The following C12orf56 variants were observed in gnomAD, a reference collection of about 807,000 sequenced individuals.
The protein encoded by C12orf56 is chromosome 12 open reading frame 56.
C12orf56 carries 71 observed loss-of-function variants against 69.9 expected under a neutral mutation model. That is an observed-to-expected ratio of 1.02 (90% CI 0.84 to 1.24). C12orf56 has a LOEUF of 1.24. Among genes scored for constraint, C12orf56 ranks in the 50% most tolerant of loss-of-function variants. The pLI, the probability that C12orf56 is intolerant of heterozygous loss-of-function variation, is 0.00. For missense variants in C12orf56, 732 were observed against 738.5 expected, an observed-to-expected ratio of 0.99 and a Z score of 0.10; for synonymous variants, 276 against 274.1, an observed-to-expected ratio of 1.01 and a Z score of -0.07.
Position 64,353,038 on chromosome 12 carries a change from A to C in C12orf56, c.271T>G (p.Phe91Val), listed in dbSNP as rs1384208573. ...ATTTCTCTATCTGGCGAACTCAAAAATTCCGGGTAATCATCAATCTGGAAA... is the reference window on the plus strand; with the variant it reads ...ATTTCTCTATCTGGCGAACTCAAAACTTCCGGGTAATCATCAATCTGGAAA... ...AIDLIDDYPE[F>V]LSSPDREISQ... Residue 91 changes from phenylalanine to valine, a missense_variant, in exon 2 of 13, where the codon TTT becomes GTT. Coordinates refer to ENST00000543942, the MANE Select transcript of C12orf56 (RefSeq NM_001170633.2). 6.2e-7 allele frequency: 1 copy of C among 1,611,252 alleles called. No individual in the cohort carries two copies. Among genetic ancestry groups the C allele is most frequent in the South Asian group, 1.1e-5 (1 of 90,284 alleles).
chr12:64,351,895 C>A (rs2039227483), intron 2 of C12orf56, among the ~76,000 whole-genome samples: 1 of 149,210 alleles, frequency 6.7e-6, no homozygotes, highest in Non-Finnish European at 1.5e-5. Context: ...ACTTTCTTTC[C>A]TCTTTCCTTC....
At chr12:64,316,631 T>C (rs1367813380) in intron 4 of C12orf56, among the ~76,000 whole-genome samples, 1 of 151,996 alleles carries the variant, frequency 6.6e-6, no homozygotes, top group South Asian at 2.1e-4. Flanking sequence ...TCAATGGTCA[T>C]AGAAAAAAAA....
intron 1 of C12orf56, among the ~76,000 whole-genome samples, chr12:64,361,585 C>T (rs2039400622): frequency 6.6e-6 from 1 of 152,140 alleles, no homozygotes; most frequent in East Asian, 1.9e-4. Flanking sequence ...GCCATGCCAA[C>T]CTCAGAAAGT....
At chr12:64,307,039 T>C (rs553259558) in intron 5 of C12orf56, among the ~76,000 whole-genome samples, 5 of 152,288 alleles carry the variant, frequency 3.3e-5, no homozygotes, top group African/African-American at 1.2e-4. Flanking sequence ...GAGAGAGTGG[T>C]AGAACTCATC....
intron 11 of C12orf56, 95 bp downstream of exon 11, chr12:64,274,806 C>A: frequency 1.1e-6 from 1 of 948,686 alleles, no homozygotes; most frequent in Non-Finnish European, 1.6e-6. Context: ...AACTTGATTA[C>A]ATCACAGGGA....
chr12:64,312,619 A>G (rs2038634732), intron 5 of C12orf56, 60 bp downstream of exon 5: 1 of 1,252,964 alleles, frequency 8.0e-7, no homozygotes, highest in African/African-American at 1.5e-5. Flanking sequence ...AAAAAAAAGG[A>G]GAGGCAAAGA....
intron 1 of C12orf56, among the ~76,000 whole-genome samples, chr12:64,358,258 G>A (rs11175359): frequency 0.12 from 18,058 of 151,896 alleles, 1,275 homozygotes; most frequent in East Asian, 0.35. Flanking sequence ...AGGAGTTCGA[G>A]ACCAGCCTGG....
intron 2 of C12orf56, among the ~76,000 whole-genome samples, chr12:64,333,859 G>T (rs1327346442): frequency 6.6e-6 from 1 of 152,114 alleles, no homozygotes; most frequent in African/African-American, 2.4e-5. Flanking sequence ...GATCATCTGT[G>T]CTCTCCACTC....
chr12:64,295,487 C>CA lies in C12orf56; in HGVS notation c.1113+8147dup, dbSNP rs34482478. 3.8e-3 allele frequency among the ~76,000 whole-genome samples: 580 copies of CA among 151,494 alleles called. 3 individuals are homozygous for CA. The highest frequency in any genetic ancestry group is 0.014 in the South Asian group (66 of 4,776). ...GCAACATGGTGAAACCCCTTTCCTA[C>CA]AAAAAAAACAAAAATTAGCCCAGCA... On this transcript the variant is annotated intron_variant, in intron 6 of 12. Transcript: ENST00000543942.
At chr12:64,386,141 C>T (rs913073880) in intron 1 of C12orf56, among the ~76,000 whole-genome samples, 1 of 152,098 alleles carries the variant, frequency 6.6e-6, no homozygotes, top group Non-Finnish European at 1.5e-5. Context: ...AATGACTAGT[C>T]GAGTCTTTCT....
rs780984645 is a variant in C12orf56 at position 64,270,570 on chromosome 12, C to T, written c.1729G>A (p.Glu577Lys). 1.2e-6 allele frequency: 2 copies of T among 1,607,628 alleles called. No homozygotes were observed. The highest frequency in any genetic ancestry group is 2.2e-5 in the South Asian group (2 of 89,828). The change falls in exon 12 of 13, where the codon GAG becomes AAG. Residue 577 changes from glutamate to lysine, a missense_variant. Transcript: ENST00000543942. ...SCLRHSRTLA[E>K]YIRNNYREEF... is the part of the protein sequence containing the mutation. ...TCTCTGTAGTTATTCCTAATATACT[C>T]AGCTAGAGTCCTGCTGTGCCGCAGA...
At chr12:64,271,570 G>A (rs1377837919) in intron 11 of C12orf56, among the ~76,000 whole-genome samples, 1 of 152,206 alleles carries the variant, frequency 6.6e-6, no homozygotes, top group Non-Finnish European at 1.5e-5. Flanking sequence ...CATTGAATTA[G>A]TATCAGTAAA....
chr12:64,311,201 CT>C (rs2038608516), intron 5 of C12orf56, among the ~76,000 whole-genome samples: 1 of 151,956 alleles, frequency 6.6e-6, no homozygotes, highest in African/African-American at 2.4e-5. Context: ...CTTTGGGAGG[CT>C]GAGGGGAGAG....
At position 64,384,471 on chromosome 12, in the gene C12orf56, A is replaced by G. The variant is rs145855719; in HGVS notation, c.252+5843T>C. Among the ~76,000 whole-genome samples, 581 of 152,330 alleles carry G rather than the reference A, an allele frequency of 3.8e-3. 4 individuals carry two copies. Among genetic ancestry groups the G allele is most frequent in the African/African-American group, 0.013 (553 of 41,576 alleles). On this transcript the variant is annotated intron_variant, in intron 1 of 12. Transcript: ENST00000543942. ...CAATAATGTCACCAAGGATAAAACT[A>G]GTGATTAAAAATGTGATTATTTCAA...
At chr12:64,298,418 C>T (rs1052737673) in intron 6 of C12orf56, among the ~76,000 whole-genome samples, 7 of 152,150 alleles carry the variant, frequency 4.6e-5, no homozygotes, top group African/African-American at 1.7e-4. Context: ...GCTTTTGTTG[C>T]CATTGCTTTT....
chr12:64,296,314 A>G (rs1339689966), intron 6 of C12orf56, among the ~76,000 whole-genome samples: 1 of 152,054 alleles, frequency 6.6e-6, no homozygotes, highest in African/African-American at 2.4e-5. Context: ...ACATTTCTTA[A>G]GTGAAAGAGT....
chr12:64,344,134 C>T (rs1447408580), intron 2 of C12orf56, among the ~76,000 whole-genome samples: 1 of 152,158 alleles, frequency 6.6e-6, no homozygotes, highest in South Asian at 2.1e-4. Flanking sequence ...AACATCTGAT[C>T]ATTTCCCTTT....
At chr12:64,310,661 AT>A (rs1361078440) in intron 5 of C12orf56, among the ~76,000 whole-genome samples, 1 of 150,616 alleles carries the variant, frequency 6.6e-6, no homozygotes, top group Non-Finnish European at 1.5e-5. Flanking sequence ...ACACTTCTGA[AT>A]TTTTATATAT....
At chr12:64,326,608 G>A (rs1191930273) in intron 3 of C12orf56, among the ~76,000 whole-genome samples, 1 of 151,976 alleles carries the variant, frequency 6.6e-6, no homozygotes, top group African/African-American at 2.4e-5. Flanking sequence ...GTGGTGGCGG[G>A]TACCTGCAAT....
Sources: gnomAD v4.1 joint callset for allele counts (sites outside exome capture counted in the v4.1 genomes callset) on GRCh38, gnomAD v4.1.1 for gene constraint, MANE v1.5 for transcripts, NCBI Gene and HGNC (gene_info 2026-07-23, HGNC 2026-07-21) for gene names.